PACRG: variants seen among roughly 807,000 people sequenced by gnomAD.
PACRG encodes the protein parkin coregulated gene protein.
In PACRG, 29 loss-of-function variants were observed where a neutral mutation model predicts 29.7. That is an observed-to-expected ratio of 0.98 (90% CI 0.73 to 1.33). The LOEUF is 1.33. Among genes scored for constraint, PACRG ranks in the 40% most tolerant of loss-of-function variants. The pLI, the probability that PACRG is intolerant of heterozygous loss-of-function variation, is 0.00. For missense variants in PACRG, 279 were observed against 316.2 expected (o/e 0.88, Z 0.89); for synonymous variants, 116 against 118.7 (o/e 0.98, Z 0.15).
At chr6:163,295,708 G>T (rs1445680475) in intron 4 of PACRG, among the ~76,000 whole-genome samples, 1 of 152,168 alleles carries the variant, frequency 6.6e-6, no homozygotes, top group African/African-American at 2.4e-5. Context: ...AAACTCTGCT[G>T]CAGGACTTAC....
chr6:162,813,075 G>T (rs1787018167), intron 1 of PACRG, among the ~76,000 whole-genome samples: 1 of 151,614 alleles, frequency 6.6e-6, no homozygotes. Context: ...ATATGTATTA[G>T]ATACAATGTA....
intron 2 of PACRG, among the ~76,000 whole-genome samples, chr6:162,864,028 A>G (rs1792091817): frequency 6.6e-6 from 1 of 151,960 alleles, no homozygotes; most frequent in South Asian, 2.1e-4. Context: ...GGAATTTTCC[A>G]TCCTCTCAGT....
intron 4 of PACRG, among the ~76,000 whole-genome samples, chr6:163,291,841 C>T (rs750321322): frequency 6.6e-6 from 1 of 151,422 alleles, no homozygotes; most frequent in African/African-American, 2.4e-5. Flanking sequence ...GTGGGGAGGC[C>T]CTGACTCTTG....
intron 4 of PACRG, among the ~76,000 whole-genome samples, chr6:163,205,940 C>T (rs938271710): frequency 3.3e-5 from 5 of 152,010 alleles, no homozygotes; most frequent in Non-Finnish European, 5.9e-5. Context: ...ACACAAATGA[C>T]CAACAAGCAT....
chr6:162,923,029 G>A (rs921174167), intron 2 of PACRG, among the ~76,000 whole-genome samples: 10 of 152,018 alleles, frequency 6.6e-5, no homozygotes, highest in Non-Finnish European at 1.3e-4. Context: ...CCACATCCTT[G>A]CCAGCATTTG....
At chr6:162,814,358 C>T in intron 2 of PACRG, 77 bp downstream of exon 2, 2 of 1,528,470 alleles carry the variant, frequency 1.3e-6, no homozygotes, top group Non-Finnish European at 1.8e-6. Context: ...CACTTGGCTG[C>T]TTAAGTAAAT....
chr6:162,867,603 C>T (rs1792408144), intron 2 of PACRG, among the ~76,000 whole-genome samples: 1 of 152,310 alleles, frequency 6.6e-6, no homozygotes, highest in Non-Finnish European at 1.5e-5. Flanking sequence ...TTAAAATGTG[C>T]ATTGAGATAT....
At chr6:162,848,663 CT>C (rs1790611069) in intron 2 of PACRG, among the ~76,000 whole-genome samples, 2 of 152,198 alleles carry the variant, frequency 1.3e-5, no homozygotes, top group South Asian at 4.1e-4. Context: ...TATTTCCATT[CT>C]TTGTGATTTT....
At chr6:162,947,171 A>G (rs1799076560) in intron 2 of PACRG, among the ~76,000 whole-genome samples, 1 of 150,566 alleles carries the variant, frequency 6.6e-6, no homozygotes, top group African/African-American at 2.4e-5. Flanking sequence ...AGAAGAAGCC[A>G]AATCATCCCT....
chr6:163,243,397 C>G lies in PACRG; in HGVS notation c.614-71430C>G, dbSNP rs1015536560. ...TCACGTACACTCTGTGTTTGTGTTG[C>G]CCAGTGGTACCCAAGCGTATGCCTG... is the stretch of plus-strand genomic sequence containing the variant. On this transcript the variant is annotated intron_variant, in intron 4 of 4. Coordinates refer to ENST00000366888, the MANE Select transcript of PACRG (RefSeq NM_001080379.2). 3.9e-5 allele frequency among the ~76,000 whole-genome samples: 6 copies of G among 152,180 alleles called. No individual in the cohort carries two copies. In the South Asian group the frequency reaches 8.3e-4, roughly 21 times the overall value.
chr6:162,898,646 A>T (rs969414477), intron 2 of PACRG, among the ~76,000 whole-genome samples: 13 of 152,218 alleles, frequency 8.5e-5, no homozygotes, highest in African/African-American at 3.1e-4. Flanking sequence ...TCTGCAAGTG[A>T]GGATAATCAT....
At chr6:162,881,381 A>G (rs1243910734) in intron 2 of PACRG, among the ~76,000 whole-genome samples, 5 of 152,122 alleles carry the variant, frequency 3.3e-5, no homozygotes, top group Non-Finnish European at 7.4e-5. Flanking sequence ...TTTTTTTAAA[A>G]CTGTATTAAT....
chr6:162,913,180 G>A (rs1471526297), intron 2 of PACRG, among the ~76,000 whole-genome samples: 1 of 152,074 alleles, frequency 6.6e-6, no homozygotes. Flanking sequence ...GCTAAATGTT[G>A]GCCTCTGTAT....
rs553046275 is a variant in PACRG, at chr6:162,845,105, G to A, written c.291+30824G>A. ...AGTTTCATTTTTATAATGAAATGTCGAAAGCAGCCCAAATAGCCACAATAG... is the reference window on the plus strand; with the variant it reads ...AGTTTCATTTTTATAATGAAATGTCAAAAGCAGCCCAAATAGCCACAATAG... On this transcript the variant is annotated intron_variant, in intron 2 of 4. Transcript: ENST00000366888. 1.2e-4 allele frequency among the ~76,000 whole-genome samples: 19 copies of A among 152,072 alleles called. No homozygotes were observed. The South Asian group carries it at 2.9e-3, about 23-fold the overall frequency.
chr6:162,992,657 G>T (rs1315536992), intron 2 of PACRG, among the ~76,000 whole-genome samples: 3 of 114,928 alleles, frequency 2.6e-5, no homozygotes, highest in Admixed American at 9.1e-5. Flanking sequence ...CTTGCTAGCG[G>T]TCTATCAATT....
chr6:163,070,160 A>G (rs1811910260), intron 3 of PACRG, among the ~76,000 whole-genome samples: 1 of 152,170 alleles, frequency 6.6e-6, no homozygotes, highest in African/African-American at 2.4e-5. Context: ...AAGAAATGCT[A>G]AAGGGAGTAC....
At chr6:162,994,977 C>T (rs1177043484) in intron 2 of PACRG, among the ~76,000 whole-genome samples, 9 of 150,260 alleles carry the variant, frequency 6.0e-5, no homozygotes, top group Non-Finnish European at 1.2e-4. Flanking sequence ...CCCTCAGCTG[C>T]AGGTCTGTTG....
chr6:163,025,551 G>A (rs1481215735), intron 2 of PACRG, among the ~76,000 whole-genome samples: 2 of 152,214 alleles, frequency 1.3e-5, no homozygotes, highest in Non-Finnish European at 2.9e-5. Flanking sequence ...ATTCTTTGAT[G>A]TTTCATACAA....
chr6:163,138,932 T>C (rs957430341), intron 4 of PACRG, among the ~76,000 whole-genome samples: 11 of 152,338 alleles, frequency 7.2e-5, no homozygotes, highest in African/African-American at 2.4e-4. Context: ...ATTTCTAGAC[T>C]AGTCATCCAA....
Sources: gnomAD v4.1 joint callset for allele counts (sites outside exome capture counted in the v4.1 genomes callset) on GRCh38, gnomAD v4.1.1 for gene constraint, MANE v1.5 for transcripts, NCBI Gene and HGNC (gene_info 2026-07-23, HGNC 2026-07-21) for gene names.